The following IFI16 variants were observed in gnomAD, a reference collection of about 807,000 sequenced individuals.
The protein encoded by IFI16 is gamma-interferon-inducible protein 16.
A neutral mutation model predicts 68.4 loss-of-function variants in IFI16; 49 were observed. That is an observed-to-expected ratio of 0.72 (90% CI 0.57 to 0.91). The LOEUF (loss-of-function observed/expected upper bound fraction) is 0.91, where lower values mean the gene tolerates loss of function less well. IFI16 is among the 40% of genes least tolerant of loss of function. The probability of loss-of-function intolerance (pLI) is 0.00; values close to 1 mark genes in which losing one functional copy is unlikely to be tolerated. For missense variants in IFI16, 878 were observed against 942.9 expected (o/e 0.93, Z 0.90); for synonymous variants, 307 against 315.0 (o/e 0.97, Z 0.27).
intron 6 of IFI16, among the ~76,000 whole-genome samples, chr1:159,022,509 C>T (rs1251917274): frequency 6.6e-6 from 1 of 152,156 alleles, no homozygotes; most frequent in East Asian, 1.9e-4. Flanking sequence ...GACGGGACCT[C>T]ACCTTCTGTA....
At chr1:159,015,571 G>T in intron 2 of IFI16, 1 of 211,648 alleles carries the variant, frequency 4.7e-6, no homozygotes, top group Non-Finnish European at 9.5e-6. Flanking sequence ...TCGGAGAACC[G>T]CATTGGGAAA....
upstream of IFI16, among the ~76,000 whole-genome samples, chr1:159,002,764 C>T (rs1183896474): frequency 6.6e-6 from 1 of 152,160 alleles, no homozygotes; most frequent in Non-Finnish European, 1.5e-5. Flanking sequence ...CCTCAATAAA[C>T]ATTTGTTAAA....
At chr1:159,053,229 C>G (rs1207747255) in intron 10 of IFI16, 1 of 218,126 alleles carries the variant, frequency 4.6e-6, no homozygotes, top group Non-Finnish European at 9.0e-6. Context: ...TTTTCTGTAT[C>G]CAGGCTCCTT....
chr1:159,044,491 C>T (rs1437529840), intron 7 of IFI16, among the ~76,000 whole-genome samples: 2 of 152,088 alleles, frequency 1.3e-5, no homozygotes, highest in African/African-American at 4.8e-5. Flanking sequence ...ACAAGCAGTT[C>T]TTTTGTGTAC....
At chr1:159,032,485 A>T (rs558282882) in intron 6 of IFI16, 39 bp from the exon 7 acceptor site, 5 of 1,283,236 alleles carry the variant, frequency 3.9e-6, no homozygotes, top group Non-Finnish European at 5.4e-6. Flanking sequence ...TGCTTCCTCT[A>T]ATATTGAAAA....
intron 9 of IFI16, 79 bp from the exon 10 acceptor site, chr1:159,051,600 G>T (rs1655359634): frequency 8.8e-7 from 1 of 1,135,496 alleles, no homozygotes; most frequent in South Asian, 1.5e-5. Context: ...CAACACTGAG[G>T]CTGAGATGAC....
intron 10 of IFI16, 62 bp downstream of exon 10, chr1:159,052,160 C>T (rs977391274): frequency 7.3e-7 from 1 of 1,365,186 alleles, no homozygotes; most frequent in Non-Finnish European, 1.0e-6. Context: ...AAAGTCTTAA[C>T]TTGTCAACTG....
chr1:159,018,561 C>A lies in IFI16; in HGVS notation c.882C>A (p.Ile294=). 1.9e-6 allele frequency: 3 copies of A among 1,613,628 alleles called. No individual in the cohort carries two copies. Among genetic ancestry groups the A allele is most frequent in the South Asian group, 1.1e-5 (1 of 91,060 alleles). Residue 294 remains isoleucine, a synonymous_variant, in exon 5 of 12, where the codon ATC becomes ATA. Transcript: ENST00000295809. ...PNQTFEVPNK[I]INRAKETLKI... ...AAACGTTTGAGGTTCCAAATAAAAT[C>A]ATCAACAGAGCAAAGGAAACTCTGA...
In IFI16 at chr1:159,046,228, A is replaced by G. The variant is rs145534806; in HGVS notation, c.1497+764A>G. Among the ~76,000 whole-genome samples the G allele has an allele frequency of 9.1e-4, 137 of 151,248 alleles. 1 individual carries two copies. Among genetic ancestry groups the G allele is most frequent in the African/African-American group, 3.0e-3 (125 of 41,368 alleles). On this transcript the variant is annotated intron_variant, in intron 8 of 11. Transcript: ENST00000295809. ...AATGTCTCTCAGATCTTCTTTCATTACCCTCAGAGTAGCTTTATAATTATT... is the reference window on the plus strand; with the variant it reads ...AATGTCTCTCAGATCTTCTTTCATTGCCCTCAGAGTAGCTTTATAATTATT...
chr1:159,032,556 C>T lies in IFI16; in HGVS notation c.1194C>T (p.Asp398=), dbSNP rs1276205182. 1 of 1,608,232 alleles carries T rather than the reference C, an allele frequency of 6.2e-7. No individual in the cohort carries two copies. ...IKKKTNPRNN[D]PKSMKLPQEQ... is the part of the protein sequence containing the mutation. ...AAAAAACAAACCCGAGAAACAATGA[C>T]CCCAAGAGCATGAAGCTACCCCAGG... The change falls in exon 7 of 12, where the codon GAC becomes GAT. Residue 398 remains aspartate (D), a synonymous_variant. Transcript: ENST00000295809.
rs930864813 is a variant in IFI16 at position 159,010,144 on chromosome 1, GA to G, written c.-32del. The G allele has an allele frequency of 6.6e-6, 1 of 152,090 alleles. No individual in the cohort carries two copies. The highest frequency in any genetic ancestry group is 2.4e-5 in the African/African-American group (1 of 41,404). The allele number at this position is 152,090 out of a possible 1,614,324, so 9.4% of individuals were successfully genotyped here. ...AGATCTCAAGATCTGGACTACTGTT[GA>G]AAAAATTTCCAGTGAGGTGAGTACT... On this transcript the variant is annotated 5_prime_UTR_variant, in exon 1 of 12. Coordinates refer to ENST00000295809, the MANE Select transcript of IFI16 (RefSeq NM_001376587.1).
At chr1:159,053,265 G>A (rs767669226) in intron 10 of IFI16, 26 of 278,646 alleles carry the variant, frequency 9.3e-5, no homozygotes, top group Admixed American at 5.0e-5. Flanking sequence ...TGCTGATGTG[G>A]AAACAGGAAG....
chr1:159,054,259 A>G (rs1426201396), intron 11 of IFI16, among the ~76,000 whole-genome samples: 1 of 152,220 alleles, frequency 6.6e-6, no homozygotes, highest in African/African-American at 2.4e-5. Flanking sequence ...CTGGGTCTAC[A>G]TAACAAAGTC....
At chr1:159,039,722 C>T (rs1654512748) in intron 7 of IFI16, among the ~76,000 whole-genome samples, 1 of 152,150 alleles carries the variant, frequency 6.6e-6, no homozygotes, top group African/African-American at 2.4e-5. Flanking sequence ...AGAATCACCC[C>T]AGTTGATGAC....
At chr1:159,051,623 A>AT in intron 9 of IFI16, 56 bp from the exon 10 acceptor site, 1 of 1,400,874 alleles carries the variant, frequency 7.1e-7, no homozygotes, top group Non-Finnish European at 9.9e-7. Context: ...TCACTAGAGA[A>AT]TGACCCTGTT....
intron 5 of IFI16, among the ~76,000 whole-genome samples, chr1:159,019,539 A>C (rs1571844208): frequency 6.6e-6 from 1 of 151,960 alleles, no homozygotes; most frequent in South Asian, 2.1e-4. Context: ...GCTCACTGCA[A>C]CCTTCGCCTC....
chr1:159,016,714 G>A lies in IFI16; in HGVS notation c.549+14G>A. 6.3e-7 allele frequency: 1 copy of A among 1,598,858 alleles called. No individual in the cohort carries two copies. Among genetic ancestry groups the A allele is most frequent in the Non-Finnish European group, 8.5e-7 (1 of 1,172,922 alleles). ...TCTTCAACTGAGGTACACTCTTCCTGGTCCCATTTTGCTTTGTTTTTTTCA... is the reference window on the plus strand; with the variant it reads ...TCTTCAACTGAGGTACACTCTTCCTAGTCCCATTTTGCTTTGTTTTTTTCA... On this transcript the variant is annotated intron_variant, in intron 4 of 11. Coordinates refer to ENST00000295809, the MANE Select transcript of IFI16 (RefSeq NM_001376587.1).
intron 5 of IFI16, 116 bp from the exon 6 acceptor site, chr1:159,020,225 C>A: frequency 1.5e-6 from 1 of 688,676 alleles, no homozygotes; most frequent in South Asian, 1.9e-5. Context: ...ATGTGCATAT[C>A]TGTACTAGGA....
rs369875654 is a variant in IFI16, at chr1:159,032,964, A to G, written c.1329+273A>G. On this transcript the variant is annotated intron_variant, in intron 7 of 11. Coordinates refer to ENST00000295809, the MANE Select transcript of IFI16 (RefSeq NM_001376587.1). ...TCCAGTTGTAGAGAGGGTAAGAGAGAGTGGCCAGACAAGCAGAGACGAAAA... is the reference window on the plus strand; with the variant it reads ...TCCAGTTGTAGAGAGGGTAAGAGAGGGTGGCCAGACAAGCAGAGACGAAAA... Among the ~76,000 whole-genome samples the G allele has an allele frequency of 1.7e-4, 26 of 151,984 alleles. 1 individual carries two copies. The highest frequency in any genetic ancestry group is 6.0e-4 in the African/African-American group (25 of 41,452).
Sources: gnomAD v4.1 joint callset for allele counts (sites outside exome capture counted in the v4.1 genomes callset) on GRCh38, gnomAD v4.1.1 for gene constraint, MANE v1.5 for transcripts, NCBI Gene and HGNC (gene_info 2026-07-23, HGNC 2026-07-21) for gene names.